Variants in PTPRG observed in about 807,000 individuals in gnomAD.
The protein encoded by PTPRG is protein tyrosine phosphatase receptor type G.
In PTPRG, 102 loss-of-function variants were observed where a neutral mutation model predicts 165.3. That is an observed-to-expected ratio of 0.62 (90% CI 0.53 to 0.73). The LOEUF is 0.73. Ranked by LOEUF, PTPRG falls within the 30% of genes least tolerant of loss-of-function variation. The pLI is 0.00. For missense variants in PTPRG, 1,866 were observed against 1,861.4 expected, an observed-to-expected ratio of 1.00 and a Z score of -0.05; for synonymous variants, 675 against 669.5, an observed-to-expected ratio of 1.01 and a Z score of -0.13.
intron 2 of PTPRG, among the ~76,000 whole-genome samples, chr3:61,962,651 A>G (rs945017489): frequency 3.9e-5 from 6 of 152,190 alleles, no homozygotes; most frequent in African/African-American, 1.2e-4. Context: ...TCAATAAGCT[A>G]TATATTTTGT....
At chr3:62,056,684 A>C (rs1275152471) in intron 4 of PTPRG, among the ~76,000 whole-genome samples, 1 of 152,184 alleles carries the variant, frequency 6.6e-6, no homozygotes, top group East Asian at 1.9e-4. Flanking sequence ...ACAACCAAAA[A>C]TGTTCCCAGA....
chr3:61,793,157 C>T lies in PTPRG; in HGVS notation c.190+44175C>T, dbSNP rs117650268. 1.4e-3 allele frequency among the ~76,000 whole-genome samples: 206 copies of T among 152,302 alleles called. 4 individuals carry two copies. In the East Asian group the frequency reaches 0.032, roughly 23 times the overall value. On this transcript the variant is annotated intron_variant, in intron 2 of 29. Coordinates refer to ENST00000474889, the MANE Select transcript of PTPRG (RefSeq NM_002841.4). ...TTGTCTCTTTATTGGTCCAGCCTGT[C>T]GCTTCCTGTCTGTCCCTGCTTCTCA...
At chr3:62,218,353 T>C (rs1700565311) in intron 12 of PTPRG, among the ~76,000 whole-genome samples, 1 of 152,180 alleles carries the variant, frequency 6.6e-6, no homozygotes, top group Non-Finnish European at 1.5e-5. Context: ...TAAGGGATGC[T>C]GAGCAGCAAA....
At chr3:61,719,231 G>T (rs962334377) in intron 1 of PTPRG, among the ~76,000 whole-genome samples, 9 of 152,344 alleles carry the variant, frequency 5.9e-5, no homozygotes, top group African/African-American at 2.2e-4. Flanking sequence ...GAAGGAATTT[G>T]TTCGTTGACT....
intron 1 of PTPRG, among the ~76,000 whole-genome samples, chr3:61,737,475 C>T (rs141405097): frequency 6.6e-6 from 1 of 152,264 alleles, no homozygotes; most frequent in Non-Finnish European, 1.5e-5. Context: ...TTAGGAGCTA[C>T]TTAAGCAGAT....
chr3:62,293,497 T>G lies in PTPRG; in HGVS notation c.*190T>G. Reference sequence around the variant, plus strand: ...ACTGAGCATTTGCACCTCTGTTCATTTCACACAGTGAAACGCAATTTTACC... The same window carrying G: ...ACTGAGCATTTGCACCTCTGTTCATGTCACACAGTGAAACGCAATTTTACC... On this transcript the variant is annotated 3_prime_UTR_variant, in exon 30 of 30. Transcript: ENST00000474889. 2.2e-6 allele frequency: 1 copy of G among 462,544 alleles called. No individual in the cohort carries two copies. The highest frequency in any genetic ancestry group is 6.0e-5 in the South Asian group (1 of 16,702). 28.7% of individuals were successfully genotyped at this position (462,544 alleles called of 1,614,324 possible). A position where few individuals can be genotyped will look rare whatever the true frequency, so the allele number is the denominator to read the frequency against.
chr3:62,017,591 ATTT>A (rs11324791), intron 4 of PTPRG, among the ~76,000 whole-genome samples: 2 of 142,824 alleles, frequency 1.4e-5, no homozygotes, highest in Non-Finnish European at 1.5e-5. Context: ...AATTTTTTGT[ATTT>A]TTTTTTTTTT....
At position 61,592,712 on chromosome 3, in the gene PTPRG, C is replaced by G. The variant is rs147265200; in HGVS notation, c.85+30340C>G. 6.6e-3 allele frequency among the ~76,000 whole-genome samples: 981 copies of G among 148,910 alleles called. 11 individuals carry two copies. Among genetic ancestry groups the G allele is most frequent in the African/African-American group, 0.023 (905 of 39,900 alleles). ...GCTTGTGGACTCTCTCAATATTCAC[C>G]CTGTCTCTGAAAATCACCCTCCCAC... On this transcript the variant is annotated intron_variant, in intron 1 of 29. Transcript: ENST00000474889.
chr3:61,731,991 G>A (rs1357499820), intron 1 of PTPRG, among the ~76,000 whole-genome samples: 1 of 151,360 alleles, frequency 6.6e-6, no homozygotes, highest in Non-Finnish European at 1.5e-5. Context: ...CAATAGAGAC[G>A]GGGGAGTTCA....
At position 61,980,733 on chromosome 3, in the gene PTPRG, A is replaced by C. The variant is rs576036696; in HGVS notation, c.191-8892A>C. Among the ~76,000 whole-genome samples, 41 of 152,320 alleles carry C rather than the reference A, an allele frequency of 2.7e-4. 1 individual carries two copies. The highest frequency in any genetic ancestry group is 5.1e-4 in the Non-Finnish European group (35 of 68,032). On this transcript the variant is annotated intron_variant, in intron 2 of 29. Transcript: ENST00000474889. ...GTTAAAACTGAAAAGTCTAGAGATA[A>C]AATTTAAATTCAGACATGGTTTGAT...
At chr3:62,064,268 C>T (rs1199850119) in intron 4 of PTPRG, among the ~76,000 whole-genome samples, 6 of 152,160 alleles carry the variant, frequency 3.9e-5, no homozygotes, top group South Asian at 2.1e-4. Context: ...TTTTTCCAGA[C>T]GTGAGCCTTC....
At chr3:61,753,639 C>T (rs1401334249) in intron 2 of PTPRG, 11 of 425,308 alleles carry the variant, frequency 2.6e-5, no homozygotes, top group Admixed American at 2.4e-4. Flanking sequence ...GGCTGGAGTG[C>T]AGTGCCTCGA....
intron 2 of PTPRG, among the ~76,000 whole-genome samples, chr3:61,920,335 C>G (rs2039046824): frequency 6.7e-6 from 1 of 149,056 alleles, no homozygotes; most frequent in Non-Finnish European, 1.5e-5. Context: ...CATGAATGAG[C>G]ATCTACTGAG....
intron 4 of PTPRG, among the ~76,000 whole-genome samples, chr3:62,027,029 C>A (rs1171334844): frequency 6.6e-6 from 1 of 152,084 alleles, no homozygotes; most frequent in Non-Finnish European, 1.5e-5. Context: ...ATTGTTGTTA[C>A]TACTACTGAG....
At chr3:61,840,547 G>A (rs1466957543) in intron 2 of PTPRG, among the ~76,000 whole-genome samples, 1 of 152,116 alleles carries the variant, frequency 6.6e-6, no homozygotes, top group African/African-American at 2.4e-5. Context: ...AGTGTGAATT[G>A]TGTAATGATT....
At chr3:61,643,878 T>G (rs1410067475) in intron 1 of PTPRG, among the ~76,000 whole-genome samples, 1 of 152,208 alleles carries the variant, frequency 6.6e-6, no homozygotes, top group Non-Finnish European at 1.5e-5. Context: ...TTAATTGGAT[T>G]CTTATAGATG....
intron 1 of PTPRG, among the ~76,000 whole-genome samples, chr3:61,571,577 T>G (rs557478952): frequency 6.6e-6 from 1 of 152,234 alleles, no homozygotes; most frequent in Non-Finnish European, 1.5e-5. Context: ...GCAAATTACT[T>G]TAGCTTCTGA....
intron 1 of PTPRG, among the ~76,000 whole-genome samples, chr3:61,682,981 T>C (rs531024907): frequency 6.6e-6 from 1 of 152,204 alleles, no homozygotes; most frequent in East Asian, 1.9e-4. Context: ...CTTTTCTTTC[T>C]CTCTTTCTTC....
At chr3:61,899,777 G>A (rs1041925068) in intron 2 of PTPRG, among the ~76,000 whole-genome samples, 3 of 152,068 alleles carry the variant, frequency 2.0e-5, no homozygotes, top group Non-Finnish European at 4.4e-5. Context: ...TTCTGAAATG[G>A]GGCCAATGTG....
Sources: gnomAD v4.1 joint callset for allele counts (sites outside exome capture counted in the v4.1 genomes callset) on GRCh38, gnomAD v4.1.1 for gene constraint, MANE v1.5 for transcripts, NCBI Gene and HGNC (gene_info 2026-07-23, HGNC 2026-07-21) for gene names.